The following PCDHGB2 variants were observed in gnomAD, a reference collection of about 807,000 sequenced individuals.
PCDHGB2 encodes protocadherin gamma-B2.
PCDHGB2 carries 55 observed loss-of-function variants against 59.3 expected under a neutral mutation model. That is an observed-to-expected ratio of 0.93 (90% CI 0.75 to 1.16). The LOEUF is 1.16. Ranked by LOEUF, PCDHGB2 falls within the 50% of genes most tolerant of loss-of-function variation. The pLI is 0.00. For synonymous variants in PCDHGB2, 516 were observed against 512.0 expected (o/e 1.01, Z -0.11); for missense variants, 1,228 against 1,198.5 (o/e 1.02, Z -0.36).
At chr5:141,415,824 CT>C (rs1412807947) in intron 1 of PCDHGB2, 8 of 1,306,364 alleles carry the variant, frequency 6.1e-6, no homozygotes, top group Non-Finnish European at 7.8e-6. Flanking sequence ...TATCATAAGG[CT>C]TTGTTATGAT....
At chr5:141,400,089 C>T (rs200160561) in intron 1 of PCDHGB2, 568 of 1,613,960 alleles carry the variant, frequency 3.5e-4, no homozygotes, top group Non-Finnish European at 4.6e-4. Flanking sequence ...CCGCCACCGC[C>T]ACGCTGCACT....
chr5:141,361,947 G>T lies in PCDHGB2; in HGVS notation c.1812G>T (p.Leu604=). The part of the protein sequence containing the change: ...VDADSGHNAW[L]SYHVLQASEP... ...CAGACTCAGGACACAACGCTTGGCT[G>T]TCCTACCACGTGCTGCAGGCCAGCG... Residue 604 remains leucine (L), a synonymous_variant, in exon 1 of 4, where the codon CTG becomes CTT. Coordinates refer to ENST00000522605, the MANE Select transcript of PCDHGB2 (RefSeq NM_018923.3). 6.2e-7 allele frequency: 1 copy of T among 1,604,064 alleles called. No homozygotes were observed. Among genetic ancestry groups the T allele is most frequent in the South Asian group, 1.1e-5 (1 of 90,858 alleles).
chr5:141,391,570 A>G (rs931571256), intron 1 of PCDHGB2: 4 of 152,236 alleles, frequency 2.6e-5, no homozygotes, highest in African/African-American at 7.2e-5. Context: ...TGCATAAGAA[A>G]ATATATTCAC....
chr5:141,459,510 T>G (rs1449866159), intron 1 of PCDHGB2, among the ~76,000 whole-genome samples: 1 of 152,252 alleles, frequency 6.6e-6, no homozygotes, highest in Non-Finnish European at 1.5e-5. Context: ...TGAACAATCA[T>G]GTACAAGTAT....
At chr5:141,390,533 A>G (rs1589127549) in intron 1 of PCDHGB2, 1 of 529,950 alleles carries the variant, frequency 1.9e-6, no homozygotes. Context: ...GTGTGGTTTT[A>G]ACCACAAAGT....
At chr5:141,396,015 T>C (rs1243437259) in intron 1 of PCDHGB2, 1 of 152,252 alleles carries the variant, frequency 6.6e-6, no homozygotes, top group South Asian at 2.1e-4. Context: ...AAAGTGACTT[T>C]TGTAAAATAT....
chr5:141,433,357 G>GCCTA, intron 1 of PCDHGB2: 1 of 569,056 alleles, frequency 1.8e-6, no homozygotes, highest in Non-Finnish European at 3.1e-6. Context: ...CCTACTGTCT[G>GCCTA]CCTATCTATC....
At chr5:141,420,883 C>A (rs992351503) in intron 1 of PCDHGB2, among the ~76,000 whole-genome samples, 1 of 152,216 alleles carries the variant, frequency 6.6e-6, no homozygotes, top group Non-Finnish European at 1.5e-5. Context: ...TATTGTGTAT[C>A]ATCGTTTTTA....
chr5:141,376,384 T>G, intron 1 of PCDHGB2: 1 of 1,614,204 alleles, frequency 6.2e-7, no homozygotes, highest in South Asian at 1.1e-5. Flanking sequence ...GTAAGAGTCA[T>G]CTGATTTTCC....
At chr5:141,413,873 G>A (rs544856148) in intron 1 of PCDHGB2, 4 of 1,613,372 alleles carry the variant, frequency 2.5e-6, no homozygotes, top group Admixed American at 1.7e-5. Context: ...GTCCTTGTCA[G>A]TGTGACTGTC....
intron 2 of PCDHGB2, among the ~76,000 whole-genome samples, chr5:141,504,704 A>G (rs965376942): frequency 1.3e-5 from 2 of 151,356 alleles, no homozygotes; most frequent in African/African-American, 4.8e-5. Flanking sequence ...AGGTTCTTCT[A>G]TGGCCGTGGA....
chr5:141,409,802 G>A (rs2095317294), intron 1 of PCDHGB2: 10 of 1,611,810 alleles, frequency 6.2e-6, no homozygotes, highest in Non-Finnish European at 7.6e-6. Context: ...CACGCTGCAG[G>A]CCCGCGACCA....
chr5:141,491,714 C>T lies in PCDHGB2; in HGVS notation c.2422-3093C>T, dbSNP rs1321811999. 2 of 1,608,744 alleles carry T rather than the reference C, an allele frequency of 1.2e-6. No individual in the cohort carries two copies. Among genetic ancestry groups the T allele is most frequent in the Non-Finnish European group, 1.7e-6 (2 of 1,177,916 alleles). The stretch of plus-strand genomic sequence containing the variant: ...GAGCGGAGCCAGGTGAGGGGCTCGG[C>T]GCCGCCCCGGGCGACCCCTGGGGGC... On this transcript the variant is annotated intron_variant, in intron 1 of 3. Coordinates refer to ENST00000522605, the MANE Select transcript of PCDHGB2 (RefSeq NM_018923.3). The surrounding 1 kb of genome is among the most constrained non-coding windows in gnomAD (Gnocchi z 6.9).
Position 141,491,482 on chromosome 5 carries a change from A to G in PCDHGB2, c.2422-3325A>G. On this transcript the variant is annotated intron_variant, in intron 1 of 3. Coordinates refer to ENST00000522605, the MANE Select transcript of PCDHGB2 (RefSeq NM_018923.3). The surrounding 1 kb of genome is among the most constrained non-coding windows in gnomAD (Gnocchi z 6.9). Reference sequence around the variant, plus strand: ...GGACTTCTATAAGCAGTCCAGCCCCAACCTGCAGGTGAGCTCGGACGGCAC... The same window carrying G: ...GGACTTCTATAAGCAGTCCAGCCCCGACCTGCAGGTGAGCTCGGACGGCAC... 1 of 1,614,088 alleles carries G rather than the reference A, an allele frequency of 6.2e-7. No individual in the cohort carries two copies. The highest frequency in any genetic ancestry group is 8.5e-7 in the Non-Finnish European group (1 of 1,180,006).
chr5:141,488,564 G>A (rs1047904416), intron 1 of PCDHGB2, among the ~76,000 whole-genome samples: 4 of 152,154 alleles, frequency 2.6e-5, no homozygotes, highest in Non-Finnish European at 5.9e-5. Context: ...TGAGATTTCC[G>A]CAAAGCATTG....
At chr5:141,416,253 A>G (rs1399251065) in intron 1 of PCDHGB2, 1 of 152,312 alleles carries the variant, frequency 6.6e-6, no homozygotes, top group Non-Finnish European at 1.5e-5. Flanking sequence ...AACTGATAAC[A>G]CTGCAGTATC....
At chr5:141,501,319 A>G (rs2099807834) in intron 2 of PCDHGB2, among the ~76,000 whole-genome samples, 1 of 151,710 alleles carries the variant, frequency 6.6e-6, no homozygotes, top group Non-Finnish European at 1.5e-5. Context: ...ACACACACAC[A>G]CACACACACA....
chr5:141,376,399 GC>G, intron 1 of PCDHGB2: 4 of 1,614,182 alleles, frequency 2.5e-6, no homozygotes, highest in Non-Finnish European at 3.4e-6. Context: ...TTTTCCCCCA[GC>G]CCAACTATGC....
chr5:141,439,445 G>T (rs1030957687), intron 1 of PCDHGB2, among the ~76,000 whole-genome samples: 1 of 152,102 alleles, frequency 6.6e-6, no homozygotes, highest in Non-Finnish European at 1.5e-5. Context: ...ATTTTATTGC[G>T]GGAGCAAGAC....
Sources: gnomAD v4.1 joint callset for allele counts (sites outside exome capture counted in the v4.1 genomes callset) on GRCh38, gnomAD v4.1.1 for gene constraint, Gnocchi (gnomAD v3.1) non-coding constraint, MANE v1.5 for transcripts, NCBI Gene and HGNC (gene_info 2026-07-23, HGNC 2026-07-21) for gene names.